Variants in FNTB observed in about 807,000 individuals in gnomAD.
FNTB encodes the protein farnesyltransferase, CAAX box, subunit beta.
Under a neutral mutation model 59.4 loss-of-function variants are expected in FNTB, and 27 were observed. The ratio of observed to expected loss-of-function variants is 0.45; its 90% CI spans 0.34 to 0.63. The LOEUF (loss-of-function observed/expected upper bound fraction) is 0.63. Ranked by LOEUF, FNTB falls within the 20% of genes least tolerant of loss-of-function variation. The pLI, the probability that FNTB is intolerant of heterozygous loss-of-function variation, is 0.02. For missense variants in FNTB, 449 were observed against 559.6 expected (o/e 0.80, Z 1.99); for synonymous variants, 230 against 220.7 (o/e 1.04, Z -0.37).
rs2061684220 is a variant in FNTB, at chr14:65,011,572, C to T, written c.210-745C>T. Among the ~76,000 whole-genome samples the T allele has an allele frequency of 1.3e-5, 2 of 152,112 alleles. No individual in the cohort carries two copies. Among genetic ancestry groups the T allele is most frequent in the Non-Finnish European group, 2.9e-5 (2 of 68,030 alleles). ...CCTTTGTTTCTGTAATCTGCAAGCA[C>T]GGGGAACATCTTGACAATCTGTGCT... is the stretch of plus-strand genomic sequence containing the variant. On this transcript the variant is annotated intron_variant, in intron 2 of 11. Transcript: ENST00000246166. This position sits in a 1 kb window ranked among gnomAD's most constrained non-coding sequence, Gnocchi z 4.0.
rs58241887 is a variant in FNTB, at chr14:65,060,870, C to CAA, written c.1183-287_1183-286dup. Among the ~76,000 whole-genome samples the CAA allele has an allele frequency of 9.9e-3, 787 of 79,450 alleles. 24 individuals carry two copies. Among genetic ancestry groups the CAA allele is most frequent in the Non-Finnish European group, 0.017 (640 of 38,198 alleles). 52.1% of individuals were successfully genotyped at this position (79,450 alleles called of 152,430 possible). A position where few individuals can be genotyped will look rare whatever the true frequency, so the allele number is the denominator to read the frequency against. On this transcript the variant is annotated intron_variant, in intron 11 of 11. Coordinates refer to ENST00000246166, the MANE Select transcript of FNTB (RefSeq NM_002028.4). ...CCTGGGCAACAGAGCAAGACTCTCT[C>CAA]AAAAAAAAAAAAAAAAAAAAAAAAA...
At chr14:65,013,424 C>T (rs2061715782) in intron 3 of FNTB, among the ~76,000 whole-genome samples, 1 of 152,090 alleles carries the variant, frequency 6.6e-6, no homozygotes, top group Non-Finnish European at 1.5e-5. Context: ...AATACACATC[C>T]ATGGGCTAGA....
intron 11 of FNTB, among the ~76,000 whole-genome samples, chr14:65,057,273 A>C (rs1238996133): frequency 6.6e-6 from 1 of 152,072 alleles, no homozygotes; most frequent in African/African-American, 2.4e-5. Flanking sequence ...TGTTAAATAG[A>C]AGATTTTAGG....
intron 1 of FNTB, among the ~76,000 whole-genome samples, chr14:64,996,766 C>CTTTTTTTTT (rs34327825): frequency 4.9e-4 from 46 of 94,426 alleles, no homozygotes; most frequent in Non-Finnish European, 7.1e-4. Flanking sequence ...TTGCTAACAT[C>CTTTTTTTTT]TTTTTTTTTT....
rs75400841 is a variant in FNTB, at chr14:65,054,833, G to A, written c.1182+144G>A. Reference sequence around the variant, plus strand: ...CCTCTGCCCTTCGAGCTGTGCAGCCGTTAGTGAGGATGTGACCACAGAGGA... The same window carrying A: ...CCTCTGCCCTTCGAGCTGTGCAGCCATTAGTGAGGATGTGACCACAGAGGA... On this transcript the variant is annotated intron_variant, in intron 11 of 11. Transcript: ENST00000246166. The surrounding 1 kb of genome is among the most constrained non-coding windows in gnomAD (Gnocchi z 4.4). 0.029 allele frequency: 26,462 copies of A among 909,896 alleles called. 477 individuals are homozygous for A. The highest frequency in any genetic ancestry group is 0.036 in the Admixed American group (1,438 of 40,318). 56.4% of individuals were successfully genotyped at this position (909,896 alleles called of 1,614,324 possible).
chr14:65,035,189 G>A (rs778710274), intron 7 of FNTB, among the ~76,000 whole-genome samples: 5 of 152,144 alleles, frequency 3.3e-5, no homozygotes, highest in Non-Finnish European at 5.9e-5. Context: ...TTGGCTGCCC[G>A]CCCTGACCCC....
At position 65,012,065 on chromosome 14, in the gene FNTB, C is replaced by T. The variant is rs142404723; in HGVS notation, c.210-252C>T. 710 of 442,376 alleles carry T rather than the reference C, an allele frequency of 1.6e-3. 6 individuals are homozygous for T. The highest frequency in any genetic ancestry group is 0.012 in the African/African-American group (623 of 50,192). The allele number at this position is 442,376 out of a possible 1,614,324, so 27.4% of individuals were successfully genotyped here. A position where few individuals can be genotyped will look rare whatever the true frequency, so the allele number is the denominator to read the frequency against. ...TTTTCCGTTAGCCCAAAGTCACTGC[C>T]TTTAGGAGACAATCGCACTCTAAAT... On this transcript the variant is annotated intron_variant, in intron 2 of 11. Transcript: ENST00000246166. The surrounding 1 kb of genome is among the most constrained non-coding windows in gnomAD (Gnocchi z 5.0).
Position 64,997,028 on chromosome 14 carries a change from A to T in FNTB, c.145-7221A>T, listed in dbSNP as rs1888423743. On this transcript the variant is annotated intron_variant, in intron 1 of 11. Coordinates refer to ENST00000246166, the MANE Select transcript of FNTB (RefSeq NM_002028.4). The surrounding 1 kb of genome is among the most constrained non-coding windows in gnomAD (Gnocchi z 4.5). ...TTTTGCCTTTTTTCATTTCACAGTA[A>T]AAAAAAAAATAGAAACAGAGTCTTG... Among the ~76,000 whole-genome samples, 1 of 149,128 alleles carries T rather than the reference A, an allele frequency of 6.7e-6. No individual in the cohort carries two copies. The highest frequency in any genetic ancestry group is 2.1e-4 in the South Asian group (1 of 4,736).
chr14:65,058,437 A>C (rs2062791274), intron 11 of FNTB, among the ~76,000 whole-genome samples: 1 of 152,068 alleles, frequency 6.6e-6, no homozygotes, highest in Non-Finnish European at 1.5e-5. Context: ...AAGTTTGTCT[A>C]AGTTAGTTTC....
chr14:65,049,979 T>C (rs1216941901), intron 9 of FNTB, among the ~76,000 whole-genome samples: 2 of 151,872 alleles, frequency 1.3e-5, no homozygotes, highest in Admixed American at 1.3e-4. Context: ...GTATAAAACA[T>C]ATATATGTTT....
intron 11 of FNTB, among the ~76,000 whole-genome samples, chr14:65,059,849 T>A (rs1039609648): frequency 6.6e-6 from 1 of 150,670 alleles, no homozygotes; most frequent in Non-Finnish European, 1.5e-5. Flanking sequence ...TTTTTTTTTT[T>A]TTTTGAGACA....
At chr14:65,010,101 T>C (rs1177049424) in intron 2 of FNTB, among the ~76,000 whole-genome samples, 3 of 152,220 alleles carry the variant, frequency 2.0e-5, no homozygotes, top group African/African-American at 7.2e-5. Flanking sequence ...TGTGGTTTGT[T>C]GTCTTTTCCC....
At chr14:65,046,991 GTGATGAA>G (rs1233159214) in intron 9 of FNTB, among the ~76,000 whole-genome samples, 1 of 152,104 alleles carries the variant, frequency 6.6e-6, no homozygotes, top group African/African-American at 2.4e-5. Context: ...TTTATAACAA[GTGATGAA>G]TGGCTAATTT....
intron 4 of FNTB, among the ~76,000 whole-genome samples, chr14:65,019,833 T>G (rs2061852697): frequency 1.3e-5 from 2 of 152,240 alleles, no homozygotes; most frequent in South Asian, 4.1e-4. Flanking sequence ...AAATAGATTA[T>G]TTTTAGTAAG....
At chr14:65,042,323 G>T (rs1170995101) in intron 8 of FNTB, among the ~76,000 whole-genome samples, 2 of 152,130 alleles carry the variant, frequency 1.3e-5, no homozygotes, top group African/African-American at 2.4e-5. Context: ...ATCAGTGAGA[G>T]CCCTGAGCTT....
chr14:65,011,899 A>T lies in FNTB; in HGVS notation c.210-418A>T, dbSNP rs936042482. Among the ~76,000 whole-genome samples the T allele has an allele frequency of 2.0e-5, 3 of 152,124 alleles. No individual in the cohort carries two copies. The highest frequency in any genetic ancestry group is 4.4e-5 in the Non-Finnish European group (3 of 68,010). ...CATCCCAGACGGGGTGACTGAAATG[A>T]CAGCGGCTGAGGCAGGGAAGTGGCG... On this transcript the variant is annotated intron_variant, in intron 2 of 11. Transcript: ENST00000246166. This position sits in a 1 kb window ranked among gnomAD's most constrained non-coding sequence, Gnocchi z 4.0.
At chr14:65,019,071 G>C (rs2061836553) in intron 4 of FNTB, among the ~76,000 whole-genome samples, 8 of 152,152 alleles carry the variant, frequency 5.3e-5, no homozygotes, top group Admixed American at 4.6e-4. Context: ...TACTCAGGAG[G>C]CTGAGGCAGG....
intron 1 of FNTB, among the ~76,000 whole-genome samples, chr14:64,992,724 G>C (rs548444705): frequency 8.2e-4 from 124 of 151,984 alleles, no homozygotes; most frequent in African/African-American, 2.8e-3. Flanking sequence ...GCCTGCCTTG[G>C]CCTACCAAAG....
chr14:65,006,595 TTTG>T (rs1411628386), intron 2 of FNTB, among the ~76,000 whole-genome samples: 1 of 152,148 alleles, frequency 6.6e-6, no homozygotes, highest in East Asian at 1.9e-4. Flanking sequence ...TTGGAGGGGC[TTTG>T]TTGTTGTGGT....
Sources: gnomAD v4.1 joint callset for allele counts (sites outside exome capture counted in the v4.1 genomes callset) on GRCh38, gnomAD v4.1.1 for gene constraint, Gnocchi (gnomAD v3.1) non-coding constraint, MANE v1.5 for transcripts, NCBI Gene and HGNC (gene_info 2026-07-23, HGNC 2026-07-21) for gene names.